The following PTPRD variants were observed in gnomAD, a reference collection of about 807,000 sequenced individuals.
PTPRD encodes the protein protein tyrosine phosphatase receptor type D.
A neutral mutation model predicts 214.5 loss-of-function variants in PTPRD; 34 were observed. That is an observed-to-expected ratio of 0.16 (90% confidence interval 0.12 to 0.21). The LOEUF is 0.21. Ranked by LOEUF, PTPRD falls within the 10% of genes least tolerant of loss-of-function variation. The pLI is 1.00. For missense variants in PTPRD, 2,545 were observed against 2,398.7 expected (o/e 1.06, Z -1.27); for synonymous variants, 1,128 against 845.7 (o/e 1.33, Z -5.79).
chr9:8,777,238 C>T lies in PTPRD; in HGVS notation c.-103-43292G>A, dbSNP rs540683339. On this transcript the variant is annotated intron_variant, in intron 11 of 45. Coordinates refer to ENST00000381196, the MANE Select transcript of PTPRD (RefSeq NM_002839.4). ...CAAGTGATACTCCTGCTTCCACCTC[C>T]CAAAGAGTAAATTATCATTTAAACT... 7.2e-5 allele frequency among the ~76,000 whole-genome samples: 11 copies of T among 152,040 alleles called. No homozygotes were observed. In the East Asian group the frequency reaches 1.7e-3, roughly 24 times the overall value.
intron 2 of PTPRD, among the ~76,000 whole-genome samples, chr9:10,451,841 C>G (rs35692381): frequency 1.1e-4 from 16 of 151,938 alleles, no homozygotes; most frequent in Non-Finnish European, 1.6e-4. Context: ...AATGAGACAA[C>G]ACTAAACCTC....
intron 4 of PTPRD, among the ~76,000 whole-genome samples, chr9:9,995,679 G>A (rs750382105): frequency 6.6e-6 from 1 of 152,138 alleles, no homozygotes; most frequent in Non-Finnish European, 1.5e-5. Context: ...TTCCACGTCT[G>A]AATGATTCTC....
intron 5 of PTPRD, among the ~76,000 whole-genome samples, chr9:9,770,282 C>T (rs888607538): frequency 1.3e-5 from 2 of 152,174 alleles, no homozygotes; most frequent in Admixed American, 6.5e-5. Context: ...AGTTTCCTGA[C>T]TTTTTAATGA....
chr9:9,212,369 A>T (rs1425138937), intron 9 of PTPRD, among the ~76,000 whole-genome samples: 1 of 152,156 alleles, frequency 6.6e-6, no homozygotes, highest in Non-Finnish European at 1.5e-5. Flanking sequence ...ATGCTGAAAC[A>T]GTTCTTTTAA....
intron 3 of PTPRD, among the ~76,000 whole-genome samples, chr9:10,327,171 G>GTATATATATATA (rs33959310): frequency 1.4e-5 from 2 of 142,908 alleles, no homozygotes; most frequent in East Asian, 2.1e-4. Context: ...ATATGTGTGT[G>GTATATATATATA]TATATATATA....
chr9:9,340,409 T>A lies in PTPRD; in HGVS notation c.-203+57040A>T, dbSNP rs369602178. On this transcript the variant is annotated intron_variant, in intron 9 of 45. Coordinates refer to ENST00000381196, the MANE Select transcript of PTPRD (RefSeq NM_002839.4). Reference sequence around the variant, plus strand: ...TGACTATTTAAATCTCTTTTTAACCTTTTAATTATGCTTATTATACATTAT... The same window carrying A: ...TGACTATTTAAATCTCTTTTTAACCATTTAATTATGCTTATTATACATTAT... Among the ~76,000 whole-genome samples, 7 of 152,232 alleles carry A rather than the reference T, an allele frequency of 4.6e-5. No individual in the cohort carries two copies. In the East Asian group the frequency reaches 7.7e-4, roughly 17 times the overall value.
chr9:8,635,103 TATA>T (rs1194531959), intron 13 of PTPRD, among the ~76,000 whole-genome samples: 1 of 148,140 alleles, frequency 6.8e-6, no homozygotes, highest in Non-Finnish European at 1.5e-5. Flanking sequence ...TAGTGTTAAA[TATA>T]GTAAAGATTT....
intron 30 of PTPRD, among the ~76,000 whole-genome samples, chr9:8,478,739 G>C (rs1359378877): frequency 1.3e-5 from 2 of 152,164 alleles, no homozygotes; most frequent in Non-Finnish European, 2.9e-5. Flanking sequence ...AAGAAATTTA[G>C]CCTTTCTGTG....
chr9:10,260,479 G>C (rs940429548), intron 3 of PTPRD, among the ~76,000 whole-genome samples: 1 of 152,040 alleles, frequency 6.6e-6, no homozygotes, highest in African/African-American at 2.4e-5. Context: ...AACATTTTAC[G>C]CATTCCAACT....
At chr9:8,450,556 C>T (rs940411445) in intron 33 of PTPRD, among the ~76,000 whole-genome samples, 1 of 152,070 alleles carries the variant, frequency 6.6e-6, no homozygotes, top group African/African-American at 2.4e-5. Context: ...GGTAGATCAG[C>T]GCTCCTGATA....
rs531746578 is a variant in PTPRD at position 9,705,397 on chromosome 9, G to A, written c.-287+29136C>T. On this transcript the variant is annotated intron_variant, in intron 7 of 45. Coordinates refer to ENST00000381196, the MANE Select transcript of PTPRD (RefSeq NM_002839.4). ...TAATATTTTGAAATATGATTATGTTGAAATCAAAAATTCAATTTTCCCTTT... is the reference window on the plus strand; with the variant it reads ...TAATATTTTGAAATATGATTATGTTAAAATCAAAAATTCAATTTTCCCTTT... Among the ~76,000 whole-genome samples the A allele has an allele frequency of 5.9e-5, 9 of 152,210 alleles. No homozygotes were observed. The South Asian group carries it at 1.7e-3, about 28-fold the overall frequency.
intron 10 of PTPRD, among the ~76,000 whole-genome samples, chr9:9,094,632 C>G (rs889492686): frequency 6.6e-6 from 1 of 151,976 alleles, no homozygotes; most frequent in African/African-American, 2.4e-5. Flanking sequence ...AAGAACTTAT[C>G]CATGTAACAA....
chr9:9,276,416 A>G (rs1945659415), intron 9 of PTPRD, among the ~76,000 whole-genome samples: 1 of 151,366 alleles, frequency 6.6e-6, no homozygotes, highest in Non-Finnish European at 1.5e-5. Flanking sequence ...GCAAAGGTCA[A>G]CAGGAACTGT....
At chr9:9,336,099 T>A (rs553540604) in intron 9 of PTPRD, among the ~76,000 whole-genome samples, 1 of 152,236 alleles carries the variant, frequency 6.6e-6, no homozygotes, top group Admixed American at 6.6e-5. Context: ...ACACATAATC[T>A]TTTATTTTCA....
chr9:10,332,609 C>A (rs369123216), intron 3 of PTPRD, among the ~76,000 whole-genome samples: 2 of 151,768 alleles, frequency 1.3e-5, no homozygotes, highest in East Asian at 3.9e-4. Context: ...ACTACCTACA[C>A]CCCATGTTCT....
At chr9:9,166,422 T>C (rs2099904108) in intron 10 of PTPRD, among the ~76,000 whole-genome samples, 1 of 152,148 alleles carries the variant, frequency 6.6e-6, no homozygotes, top group African/African-American at 2.4e-5. Flanking sequence ...ATTTGGCCTC[T>C]ACTTTCTGTT....
At chr9:10,492,969 G>C (rs565819542) in intron 2 of PTPRD, among the ~76,000 whole-genome samples, 1 of 151,990 alleles carries the variant, frequency 6.6e-6, no homozygotes, top group Non-Finnish European at 1.5e-5. Context: ...TAGACAAATA[G>C]CCACATAATA....
intron 6 of PTPRD, among the ~76,000 whole-genome samples, chr9:9,740,332 A>G (rs1366342900): frequency 6.6e-6 from 1 of 151,494 alleles, no homozygotes; most frequent in Non-Finnish European, 1.5e-5. Context: ...ACTATTATGA[A>G]GTTGTTCCAT....
chr9:8,425,954 T>A (rs549809264), intron 35 of PTPRD, among the ~76,000 whole-genome samples: 17 of 152,320 alleles, frequency 1.1e-4, no homozygotes, highest in African/African-American at 3.8e-4. Context: ...TGAAAAGAAC[T>A]CTGTAGTTCT....
Sources: allele counts gnomAD v4.1 joint callset (sites outside exome capture counted in the v4.1 genomes callset), GRCh38; gene constraint gnomAD v4.1.1; transcripts MANE v1.5; gene names NCBI Gene and HGNC (gene_info 2026-07-23, HGNC 2026-07-21).